The following GRIK2 variants were observed in gnomAD, a reference collection of about 807,000 sequenced individuals.
GRIK2 encodes glutamate receptor ionotropic, kainate 2.
A neutral mutation model predicts 100.3 loss-of-function variants in GRIK2; 32 were observed. That is an observed-to-expected ratio of 0.32 (90% CI 0.24 to 0.43). The LOEUF (loss-of-function observed/expected upper bound fraction) is 0.43, where lower values mean the gene tolerates loss of function less well. GRIK2 is among the 20% of genes least tolerant of loss of function. The pLI is 1.00. For synonymous variants in GRIK2, 417 were observed against 389.4 expected, an observed-to-expected ratio of 1.07 and a Z score of -0.83; for missense variants, 843 against 1,114.9, an observed-to-expected ratio of 0.76 and a Z score of 3.47.
chr6:101,807,878 T>C (rs1781105289), intron 9 of GRIK2, among the ~76,000 whole-genome samples: 1 of 152,002 alleles, frequency 6.6e-6, no homozygotes, highest in South Asian at 2.1e-4. Flanking sequence ...GTGTATTCAG[T>C]CTGTGAGTGG....
At chr6:101,394,017 C>G (rs1774905077) in intron 1 of GRIK2, among the ~76,000 whole-genome samples, 180 bp downstream of exon 1, 1 of 152,228 alleles carries the variant, frequency 6.6e-6, no homozygotes, top group Non-Finnish European at 1.5e-5. Flanking sequence ...GGATTCACTG[C>G]GAGTCTTTGT....
chr6:101,454,443 A>G (rs1770882056), intron 2 of GRIK2, among the ~76,000 whole-genome samples: 1 of 152,098 alleles, frequency 6.6e-6, no homozygotes, highest in African/African-American at 2.4e-5. Flanking sequence ...ATGAGTATAG[A>G]CAAACATGCT....
intron 2 of GRIK2, among the ~76,000 whole-genome samples, chr6:101,527,917 T>C (rs1334191550): frequency 6.6e-6 from 1 of 152,048 alleles, no homozygotes; most frequent in Non-Finnish European, 1.5e-5. Flanking sequence ...AATTCTTGAG[T>C]GGTTAATTAT....
chr6:101,997,078 T>C (rs995060110), intron 14 of GRIK2, among the ~76,000 whole-genome samples: 4 of 152,118 alleles, frequency 2.6e-5, no homozygotes, highest in Admixed American at 2.0e-4. Context: ...AAGTGTTAGT[T>C]CTATCTTTTT....
intron 10 of GRIK2, 31 bp from the exon 11 acceptor site, chr6:101,859,256 T>TA (rs1266653926): frequency 8.8e-7 from 1 of 1,141,776 alleles, no homozygotes. Context: ...GATTAACTGT[T>TA]ACCTCTTTTC....
At chr6:101,963,615 G>C (rs1300478428) in intron 14 of GRIK2, among the ~76,000 whole-genome samples, 1 of 147,374 alleles carries the variant, frequency 6.8e-6, no homozygotes, top group African/African-American at 2.5e-5. Context: ...CCCTCCCAAA[G>C]TGCTGGGATT....
At chr6:101,723,908 C>T in intron 7 of GRIK2, among the ~76,000 whole-genome samples, 1 of 151,764 alleles carries the variant, frequency 6.6e-6, no homozygotes. Flanking sequence ...TTTACCTCTT[C>T]TTGTTATCTT....
rs541851152 is a variant in GRIK2 at position 101,894,790 on chromosome 6, C to G, written c.1748+4927C>G. ...TCCCATATATGTTAGGTTTTTTTTC[C>G]TCTTAACCATATATATCTCCAAGAA... On this transcript the variant is annotated intron_variant, in intron 12 of 16. Transcript: ENST00000369134. Among the ~76,000 whole-genome samples, 425 of 150,908 alleles carry G rather than the reference C, an allele frequency of 2.8e-3. 1 individual carries two copies. The highest frequency in any genetic ancestry group is 9.8e-3 in the African/African-American group (404 of 41,280).
intron 4 of GRIK2, among the ~76,000 whole-genome samples, chr6:101,642,944 CTG>C (rs1224326018): frequency 6.6e-6 from 1 of 151,516 alleles, no homozygotes; most frequent in Non-Finnish European, 1.5e-5. Flanking sequence ...TGATATCTAA[CTG>C]TGGTTTTGAT....
intron 7 of GRIK2, among the ~76,000 whole-genome samples, chr6:101,741,367 A>G (rs1325413043): frequency 6.6e-6 from 1 of 152,198 alleles, no homozygotes; most frequent in Admixed American, 6.5e-5. Context: ...GTTAGGAAGA[A>G]ACTTTTCCTC....
rs996615466 is a variant in GRIK2, at chr6:102,041,888, G to A, written c.2311+6322G>A. 2.0e-5 allele frequency among the ~76,000 whole-genome samples: 3 copies of A among 151,488 alleles called. No homozygotes were observed. The Admixed American group carries it at 2.0e-4, about 10-fold the overall frequency. On this transcript the variant is annotated intron_variant, in intron 15 of 16. Transcript: ENST00000369134. ...ATTTATACATTTTTAGAACTGTCTT[G>A]TCTTTGTATGTTTAGGGATATTAAA...
At chr6:101,399,540 T>A in intron 2 of GRIK2, 148 bp downstream of exon 2, 1 of 616,688 alleles carries the variant, frequency 1.6e-6, no homozygotes. Context: ...AAGAACTCCT[T>A]GTGCTTTCAT....
intron 2 of GRIK2, among the ~76,000 whole-genome samples, chr6:101,590,299 G>A (rs987213896): frequency 6.6e-6 from 1 of 152,046 alleles, no homozygotes; most frequent in Non-Finnish European, 1.5e-5. Flanking sequence ...AGGTAACTCA[G>A]TGTTAGGTTT....
chr6:101,648,462 A>G (rs1467374990), intron 4 of GRIK2, among the ~76,000 whole-genome samples: 3 of 152,114 alleles, frequency 2.0e-5, no homozygotes, highest in African/African-American at 7.2e-5. Context: ...TTGTTAGGCC[A>G]TATTACCTTA....
chr6:102,030,556 CA>C (rs1769933084), intron 14 of GRIK2, among the ~76,000 whole-genome samples: 1 of 151,094 alleles, frequency 6.6e-6, no homozygotes, highest in Admixed American at 6.6e-5. Flanking sequence ...TTGCCATATC[CA>C]AAGGAAATTA....
intron 4 of GRIK2, among the ~76,000 whole-genome samples, chr6:101,649,389 A>T (rs779455901): frequency 6.6e-6 from 1 of 152,020 alleles, no homozygotes; most frequent in Admixed American, 6.6e-5. Context: ...CCCATGTTTG[A>T]CTCAATCTTA....
chr6:101,528,223 GTCAC>G (rs1775249106), intron 2 of GRIK2, among the ~76,000 whole-genome samples: 1 of 152,102 alleles, frequency 6.6e-6, no homozygotes, highest in African/African-American at 2.4e-5. Flanking sequence ...CAGGTCCACA[GTCAC>G]TCATGTAAAA....
At chr6:101,846,170 C>G (rs1443673864) in intron 10 of GRIK2, among the ~76,000 whole-genome samples, 1 of 152,020 alleles carries the variant, frequency 6.6e-6, no homozygotes, top group Non-Finnish European at 1.5e-5. Flanking sequence ...ATGATAATGT[C>G]CAATTTATCT....
intron 16 of GRIK2, chr6:102,064,089 G>A (rs1289221056): frequency 5.8e-6 from 5 of 865,754 alleles, no homozygotes; most frequent in Non-Finnish European, 9.5e-6. Context: ...TTTGTAGTCT[G>A]TTATATTAAT....
Sources: gnomAD v4.1 joint callset for allele counts (sites outside exome capture counted in the v4.1 genomes callset) on GRCh38, gnomAD v4.1.1 for gene constraint, MANE v1.5 for transcripts, NCBI Gene and HGNC (gene_info 2026-07-23, HGNC 2026-07-21) for gene names.